SETBP1: variants seen among roughly 807,000 people sequenced by gnomAD.
The protein encoded by SETBP1 is SET-binding protein.
In SETBP1, 9 loss-of-function variants were observed where a neutral mutation model predicts 101.0. That is an observed-to-expected ratio of 0.09 (90% CI 0.05 to 0.16). SETBP1 has a LOEUF of 0.16. Ranked by LOEUF, SETBP1 falls within the 10% of genes least tolerant of loss-of-function variation. The pLI is 1.00. For missense variants in SETBP1, 1,858 were observed against 2,033.8 expected (o/e 0.91, Z 1.66); for synonymous variants, 818 against 788.5 (o/e 1.04, Z -0.63).
chr18:44,772,918 C>G (rs1193282435), intron 2 of SETBP1, among the ~76,000 whole-genome samples: 1 of 152,194 alleles, frequency 6.6e-6, no homozygotes, highest in Non-Finnish European at 1.5e-5. Context: ...TTATTCTATT[C>G]ATATTTTCAT....
At chr18:44,791,116 G>A (rs1033529047) in intron 2 of SETBP1, among the ~76,000 whole-genome samples, 12 of 152,036 alleles carry the variant, frequency 7.9e-5, no homozygotes, top group Admixed American at 5.2e-4. Flanking sequence ...TAAGAGGTGC[G>A]CTGAAGGCAG....
chr18:45,054,694 C>G (rs2073779807), intron 5 of SETBP1, among the ~76,000 whole-genome samples: 1 of 152,108 alleles, frequency 6.6e-6, no homozygotes, highest in Non-Finnish European at 1.5e-5. Flanking sequence ...TCTGGCTTGC[C>G]CTCCTTAGAA....
At chr18:44,848,163 G>C (rs1435325974) in intron 2 of SETBP1, among the ~76,000 whole-genome samples, 2 of 152,062 alleles carry the variant, frequency 1.3e-5, no homozygotes, top group African/African-American at 4.8e-5. Flanking sequence ...GTAAACTACT[G>C]GGTAAGAAGA....
At chr18:44,760,546 A>G (rs183134314) in intron 2 of SETBP1, among the ~76,000 whole-genome samples, 31 of 152,290 alleles carry the variant, frequency 2.0e-4, no homozygotes, top group African/African-American at 7.2e-4. Flanking sequence ...TTAAGTTTAA[A>G]TGCTTATTCA....
intron 2 of SETBP1, among the ~76,000 whole-genome samples, chr18:44,844,019 C>G (rs972408749): frequency 6.6e-6 from 1 of 152,032 alleles, no homozygotes; most frequent in African/African-American, 2.4e-5. Flanking sequence ...ATCTTTTTAC[C>G]AAAGGCTCAA....
chr18:44,706,778 C>T, intron 2 of SETBP1, among the ~76,000 whole-genome samples: 1 of 151,948 alleles, frequency 6.6e-6, no homozygotes, highest in Non-Finnish European at 1.5e-5. Context: ...CATACAGTGA[C>T]TCAGGGTAGG....
chr18:45,021,317 A>T (rs537237001), intron 4 of SETBP1, among the ~76,000 whole-genome samples: 3 of 152,316 alleles, frequency 2.0e-5, no homozygotes, highest in Admixed American at 6.5e-5. Flanking sequence ...TTAGGATGCC[A>T]CGGTTTAAAT....
Position 45,065,905 on chromosome 18 carries a change from C to T in SETBP1, c.*2207C>T, listed in dbSNP as rs1181754519. On this transcript the variant is annotated 3_prime_UTR_variant, in exon 6 of 6. Transcript: ENST00000649279. Reference sequence around the variant, plus strand: ...CTGAGAGGAAGGTTTAAATTAGTCCCTCTCACCCCACCATTGCTATAAAAC... The same window carrying T: ...CTGAGAGGAAGGTTTAAATTAGTCCTTCTCACCCCACCATTGCTATAAAAC... 6.6e-6 allele frequency: 1 copy of T among 152,206 alleles called. No individual in the cohort carries two copies. The highest frequency in any genetic ancestry group is 2.4e-5 in the African/African-American group (1 of 41,450). 9.4% of individuals were successfully genotyped at this position (152,206 alleles called of 1,614,324 possible).
intron 3 of SETBP1, chr18:44,870,421 C>T (rs945052688): frequency 1.3e-5 from 2 of 152,178 alleles, no homozygotes; most frequent in African/African-American, 4.8e-5. Context: ...ATCAAGGGCC[C>T]TGTTGGTGAG....
chr18:44,696,028 AC>A (rs2144159587), intron 1 of SETBP1, among the ~76,000 whole-genome samples: 1 of 152,312 alleles, frequency 6.6e-6, no homozygotes, highest in African/African-American at 2.4e-5. Flanking sequence ...AGTCAGGATG[AC>A]AATGGCCTGT....
At chr18:44,998,398 A>C (rs1490063625) in intron 4 of SETBP1, among the ~76,000 whole-genome samples, 1 of 152,168 alleles carries the variant, frequency 6.6e-6, no homozygotes, top group African/African-American at 2.4e-5. Context: ...TTTTCTCTTC[A>C]AGGTTGAGTG....
chr18:44,809,665 G>A (rs1048138419), intron 2 of SETBP1, among the ~76,000 whole-genome samples: 5 of 152,148 alleles, frequency 3.3e-5, no homozygotes, highest in Admixed American at 1.3e-4. Flanking sequence ...AAGAGCTCTG[G>A]TCTCATTGGC....
intron 4 of SETBP1, among the ~76,000 whole-genome samples, chr18:44,953,925 G>T (rs1417351359): frequency 6.6e-6 from 1 of 152,088 alleles, no homozygotes; most frequent in African/African-American, 2.4e-5. Context: ...AAGCTGTCCT[G>T]GGCAGGTCCC....
intron 5 of SETBP1, among the ~76,000 whole-genome samples, chr18:45,040,568 G>A (rs7228266): frequency 0.3 from 45,411 of 152,048 alleles, 6,880 homozygotes; most frequent in Middle Eastern, 0.41. Flanking sequence ...GCCATGCACA[G>A]ATATTTCTCT....
In SETBP1 at chr18:44,951,729, A is replaced by G; in HGVS notation, c.2389A>G (p.Thr797Ala). ...NGNLSPASTE[T>A]NFSELKTMPN... ...CAACCTGAGCCCTGCCAGCACTGAAACCAATTTTTCAGAGTTGAAAACTAT... is the reference window on the plus strand; with the variant it reads ...CAACCTGAGCCCTGCCAGCACTGAAGCCAATTTTTCAGAGTTGAAAACTAT... The change falls in exon 4 of 6, where the codon ACC (threonine) becomes GCC (alanine). Residue 797 changes from threonine to alanine, a missense_variant. Transcript: ENST00000649279. The surrounding 1 kb of genome is among the most constrained non-coding windows in gnomAD (Gnocchi z 7.8). 6.2e-7 allele frequency: 1 copy of G among 1,614,074 alleles called. No homozygotes were observed. Among genetic ancestry groups the G allele is most frequent in the South Asian group, 1.1e-5 (1 of 91,076 alleles).
At chr18:44,692,699 G>A (rs1568092538) in intron 1 of SETBP1, among the ~76,000 whole-genome samples, 2 of 152,206 alleles carry the variant, frequency 1.3e-5, no homozygotes, top group African/African-American at 2.4e-5. Context: ...GTGTATGCAG[G>A]AAGAGGTAGA....
In SETBP1 at chr18:44,701,191, T is replaced by C; in HGVS notation, c.-156T>C. The C allele has an allele frequency of 1.3e-6, 1 of 757,412 alleles. No homozygotes were observed. The highest frequency in any genetic ancestry group is 2.1e-6 in the Non-Finnish European group (1 of 486,132). 46.9% of individuals were successfully genotyped at this position (757,412 alleles called of 1,614,324 possible). On this transcript the variant is annotated 5_prime_UTR_variant, in exon 2 of 6. Transcript: ENST00000649279. ...GCTTCTCAGTTGCAGATCTGATCTC[T>C]TCTGAACACCTCATCGTGTCTCCAT... is the stretch of plus-strand genomic sequence containing the variant.
At position 44,729,283 on chromosome 18, in the gene SETBP1, A is replaced by G. The variant is rs544269033; in HGVS notation, c.486+27451A>G. On this transcript the variant is annotated intron_variant, in intron 2 of 5. Transcript: ENST00000649279. ...ATGTTCTGGAAAGGTCACATGGAGA[A>G]CCATGCAGTGAGCAGATCATAGGGG... is the stretch of plus-strand genomic sequence containing the variant. 2.4e-4 allele frequency among the ~76,000 whole-genome samples: 37 copies of G among 152,344 alleles called. No homozygotes were observed. In the South Asian group the frequency reaches 3.5e-3, roughly 15 times the overall value.
At chr18:44,769,586 A>C (rs2070830712) in intron 2 of SETBP1, among the ~76,000 whole-genome samples, 1 of 152,374 alleles carries the variant, frequency 6.6e-6, no homozygotes, top group Non-Finnish European at 1.5e-5. Flanking sequence ...TTCAGGGTCC[A>C]GAAGTGAGTA....
Sources: gnomAD v4.1 joint callset for allele counts (sites outside exome capture counted in the v4.1 genomes callset) on GRCh38, gnomAD v4.1.1 for gene constraint, Gnocchi (gnomAD v3.1) non-coding constraint, MANE v1.5 for transcripts, NCBI Gene and HGNC (gene_info 2026-07-23, HGNC 2026-07-21) for gene names.